The following DPYD variants were observed in gnomAD, a reference collection of about 807,000 sequenced individuals.
DPYD encodes dihydropyrimidine dehydrogenase [NADP(+)].
Under a neutral mutation model 116.2 loss-of-function variants are expected in DPYD, and 109 were observed. That is an observed-to-expected ratio of 0.94 (90% confidence interval 0.80 to 1.10). The LOEUF is 1.10. Ranked by LOEUF, DPYD falls within the 50% of genes least tolerant of loss-of-function variation. DPYD has a pLI of 0.00. For missense variants in DPYD, 1,302 were observed against 1,254.5 expected, an observed-to-expected ratio of 1.04 and a Z score of -0.57; for synonymous variants, 440 against 432.0, an observed-to-expected ratio of 1.02 and a Z score of -0.23.
At chr1:97,203,868 T>C (rs955597876) in intron 19 of DPYD, among the ~76,000 whole-genome samples, 3 of 145,510 alleles carry the variant, frequency 2.1e-5, no homozygotes, top group Non-Finnish European at 4.5e-5. Context: ...AAATAACATC[T>C]CAAATAGTCC....
At chr1:97,543,309 G>A (rs1183268610) in intron 12 of DPYD, among the ~76,000 whole-genome samples, 1 of 152,006 alleles carries the variant, frequency 6.6e-6, no homozygotes, top group Admixed American at 6.6e-5. Context: ...GTACCCTCCC[G>A]AAGTCAAGTG....
At chr1:97,641,838 T>C (rs1440095983) in intron 8 of DPYD, among the ~76,000 whole-genome samples, 2 of 152,206 alleles carry the variant, frequency 1.3e-5, no homozygotes, top group African/African-American at 2.4e-5. Context: ...CATGATTGTA[T>C]ATTTAGAAAA....
intron 1 of DPYD, among the ~76,000 whole-genome samples, chr1:97,898,914 C>T (rs1673217420): frequency 6.6e-6 from 1 of 151,898 alleles, no homozygotes; most frequent in African/African-American, 2.4e-5. Context: ...CCATGTGGAA[C>T]TCTGAATCCA....
chr1:97,518,707 G>A (rs534693320), intron 12 of DPYD, among the ~76,000 whole-genome samples: 43 of 152,114 alleles, frequency 2.8e-4, no homozygotes, highest in African/African-American at 1.0e-3. Flanking sequence ...TCATCCAGTA[G>A]TGTTAGTAAA....
intron 2 of DPYD, among the ~76,000 whole-genome samples, chr1:97,845,915 C>T (rs924340264): frequency 8.5e-5 from 13 of 152,196 alleles, no homozygotes; most frequent in African/African-American, 2.7e-4. Context: ...CACATGGAGC[C>T]GGGACCTGTA....
At chr1:97,181,250 A>G (rs1657625222) in intron 20 of DPYD, among the ~76,000 whole-genome samples, 1 of 152,126 alleles carries the variant, frequency 6.6e-6, no homozygotes, top group South Asian at 2.1e-4. Context: ...AGAGAAACCA[A>G]GTTGGGGAGG....
chr1:97,599,071 T>C (rs1655079202), intron 8 of DPYD, among the ~76,000 whole-genome samples: 1 of 152,236 alleles, frequency 6.6e-6, no homozygotes, highest in South Asian at 2.1e-4. Flanking sequence ...TCACAGGATG[T>C]GTCTGCAGCC....
intron 21 of DPYD, among the ~76,000 whole-genome samples, chr1:97,094,699 CAA>C (rs1447143759): frequency 6.6e-6 from 1 of 151,946 alleles, no homozygotes; most frequent in African/African-American, 2.4e-5. Flanking sequence ...TATGGTGACA[CAA>C]GTCTGAAGTA....
intron 19 of DPYD, among the ~76,000 whole-genome samples, chr1:97,201,932 A>G (rs1395305670): frequency 1.3e-5 from 2 of 149,188 alleles, no homozygotes; most frequent in Non-Finnish European, 1.5e-5. Flanking sequence ...TCCCAAAGTG[A>G]TAAAATTCCA....
intron 13 of DPYD, among the ~76,000 whole-genome samples, chr1:97,486,984 A>T (rs920211827): frequency 3.3e-5 from 5 of 152,054 alleles, no homozygotes; most frequent in African/African-American, 1.2e-4. Flanking sequence ...TGCAAATATT[A>T]AAAATAAGAT....
At chr1:97,246,573 G>C (rs1441801883) in intron 18 of DPYD, among the ~76,000 whole-genome samples, 1 of 152,058 alleles carries the variant, frequency 6.6e-6, no homozygotes, top group Non-Finnish European at 1.5e-5. Context: ...ATATAGTAAT[G>C]AACAAATCAT....
intron 11 of DPYD, among the ~76,000 whole-genome samples, chr1:97,552,762 T>A (rs138813850): frequency 1.3e-5 from 2 of 152,170 alleles, no homozygotes; most frequent in East Asian, 3.9e-4. Context: ...GAAAAAGGAT[T>A]TTCTTTCATA....
intron 18 of DPYD, among the ~76,000 whole-genome samples, chr1:97,260,551 G>T (rs1663808274): frequency 1.3e-5 from 2 of 151,990 alleles, no homozygotes; most frequent in Admixed American, 1.3e-4. Flanking sequence ...GTATACAATT[G>T]AAAAATATTT....
At chr1:97,604,199 C>T (rs1340919235) in intron 8 of DPYD, among the ~76,000 whole-genome samples, 1 of 152,088 alleles carries the variant, frequency 6.6e-6, no homozygotes, top group Non-Finnish European at 1.5e-5. Context: ...TAAGATCTCT[C>T]TAATGAGCTC....
At chr1:97,437,654 T>C (rs1357763829) in intron 14 of DPYD, among the ~76,000 whole-genome samples, 1 of 151,994 alleles carries the variant, frequency 6.6e-6, no homozygotes, top group Non-Finnish European at 1.5e-5. Flanking sequence ...ATCAGATATA[T>C]GATTTGCAAC....
intron 16 of DPYD, among the ~76,000 whole-genome samples, chr1:97,359,884 G>C (rs968467773): frequency 6.6e-6 from 1 of 152,310 alleles, no homozygotes; most frequent in Non-Finnish European, 1.5e-5. Flanking sequence ...TCAATGCTAG[G>C]AAGAAACTGC....
At chr1:97,698,822 T>C (rs1229937301) in intron 6 of DPYD, among the ~76,000 whole-genome samples, 1 of 151,940 alleles carries the variant, frequency 6.6e-6, no homozygotes, top group African/African-American at 2.4e-5. Flanking sequence ...TGTATAAATT[T>C]TCATGGGAAT....
rs528955937 is a variant in DPYD, at chr1:97,903,857, T to C, written c.39+17027A>G. On this transcript the variant is annotated intron_variant, in intron 1 of 22. Transcript: ENST00000370192. ...TTTAACTGTCCAAAAATCTGACGGC[T>C]GAATAAAAATTTGAATTTTACTAGC... Among the ~76,000 whole-genome samples the C allele has an allele frequency of 1.2e-3, 184 of 152,066 alleles. No individual in the cohort carries two copies. In the Middle Eastern group the frequency reaches 0.024, roughly 20 times the overall value.
At position 97,243,049 on chromosome 1, in the gene DPYD, T is replaced by C. The variant is rs1324713249; in HGVS notation, c.2300-8055A>G. On this transcript the variant is annotated intron_variant, in intron 18 of 22. Transcript: ENST00000370192. ...AATTAATTTATTGTAAATTCAGCAA[T>C]GAAAGCAGCTACAATGGAACTTCCC... 2.6e-5 allele frequency among the ~76,000 whole-genome samples: 4 copies of C among 151,900 alleles called. No homozygotes were observed. The East Asian group carries it at 7.7e-4, about 29-fold the overall frequency.
Sources: gnomAD v4.1 joint callset for allele counts (sites outside exome capture counted in the v4.1 genomes callset) on GRCh38, gnomAD v4.1.1 for gene constraint, MANE v1.5 for transcripts, NCBI Gene and HGNC (gene_info 2026-07-23, HGNC 2026-07-21) for gene names.